The following KCTD14 variants were observed in gnomAD, a reference collection of about 807,000 sequenced individuals.
KCTD14 encodes BTB/POZ domain-containing protein KCTD14.
A neutral mutation model predicts 5.9 loss-of-function variants in KCTD14; 7 were observed. That is an observed-to-expected ratio of 1.19 (90% confidence interval 0.68 to 2.23). The LOEUF (loss-of-function observed/expected upper bound fraction) is 2.23, where lower values mean the gene tolerates loss of function less well. KCTD14 is among the 30% of genes most tolerant of loss of function. KCTD14 has a pLI of 0.00. For synonymous variants in KCTD14, 140 were observed against 133.1 expected (o/e 1.05, Z -0.36); for missense variants, 342 against 332.2 (o/e 1.03, Z -0.23).
intron 1 of KCTD14, among the ~76,000 whole-genome samples, chr11:78,017,483 T>C (rs933673541): frequency 4.4e-4 from 66 of 150,624 alleles, no homozygotes; most frequent in Non-Finnish European, 8.4e-4. Context: ...AGTCTCGCTC[T>C]GTCACCCAGG....
At chr11:78,033,628 G>C (rs34367452) in intron 2 of KCTD14, among the ~76,000 whole-genome samples, 55,957 of 150,076 alleles carry the variant, frequency 0.37, 10,647 homozygotes, top group Admixed American at 0.47. Context: ...GTTGCAGTGA[G>C]CTGAGATTGT....
intron 1 of KCTD14, among the ~76,000 whole-genome samples, chr11:78,017,946 A>C (rs1857214809): frequency 6.6e-6 from 1 of 151,956 alleles, no homozygotes; most frequent in Non-Finnish European, 1.5e-5. Context: ...AAAATACAAA[A>C]ATTAGCCAGG....
chr11:78,027,729 T>C (rs1185581863), upstream of KCTD14, among the ~76,000 whole-genome samples: 3 of 152,126 alleles, frequency 2.0e-5, no homozygotes, highest in Non-Finnish European at 4.4e-5. Flanking sequence ...AATGGGTTAT[T>C]ATCTAAAGAC....
At chr11:78,034,216 G>A (rs1433953262) in intron 2 of KCTD14, among the ~76,000 whole-genome samples, 1 of 151,884 alleles carries the variant, frequency 6.6e-6, no homozygotes, top group Non-Finnish European at 1.5e-5. Context: ...TCAACCTCCT[G>A]GACTCGAGAG....
chr11:78,023,046 G>A, intron 1 of KCTD14, 114 bp downstream of exon 1: 1 of 701,110 alleles, frequency 1.4e-6, no homozygotes, highest in South Asian at 1.7e-5. Context: ...CGCGCCAGAA[G>A]CAGGGGGCTC....
chr11:78,038,859 C>A, intron 1 of KCTD14: 1 of 1,351,188 alleles, frequency 7.4e-7, no homozygotes, highest in South Asian at 1.3e-5. Flanking sequence ...TGGAGCCACA[C>A]TGCAGAACTG....
upstream of KCTD14, chr11:78,023,330 T>A (rs949984509): frequency 5.0e-6 from 7 of 1,404,550 alleles, no homozygotes; most frequent in Non-Finnish European, 6.9e-6. Flanking sequence ...GGGACGGGGC[T>A]GAGCCAGGCG....
chr11:78,038,086 C>G (rs531194513), intron 2 of KCTD14, among the ~76,000 whole-genome samples: 1 of 152,028 alleles, frequency 6.6e-6, no homozygotes, highest in African/African-American at 2.4e-5. Flanking sequence ...CCACACCATC[C>G]TTTCTCTCTA....
intron 2 of KCTD14, among the ~76,000 whole-genome samples, chr11:78,034,141 A>G (rs986240920): frequency 6.6e-6 from 1 of 151,586 alleles, no homozygotes; most frequent in African/African-American, 2.4e-5. Flanking sequence ...TTTTTTTGAG[A>G]CAGGGTCTCA....
chr11:78,037,543 C>T (rs1198996287), intron 2 of KCTD14, among the ~76,000 whole-genome samples: 1 of 152,224 alleles, frequency 6.6e-6, no homozygotes, highest in Non-Finnish European at 1.5e-5. Flanking sequence ...CAGGCTGGCA[C>T]ATGGGAGGAC....
chr11:78,028,102 T>C (rs1334576450), upstream of KCTD14, among the ~76,000 whole-genome samples: 2 of 152,142 alleles, frequency 1.3e-5, no homozygotes, highest in Admixed American at 1.3e-4. Flanking sequence ...GAGACTTTCA[T>C]TTTTTGTTTA....
chr11:78,023,343 G>T (rs973274333), upstream of KCTD14: 4 of 1,258,110 alleles, frequency 3.2e-6, no homozygotes, highest in Non-Finnish European at 4.5e-6. Context: ...GCCAGGCGTG[G>T]CTTGCAGTGA....
chr11:78,021,944 A>C lies in KCTD14; in HGVS notation c.90+1216T>G, dbSNP rs117600797. Among the ~76,000 whole-genome samples the C allele has an allele frequency of 9.5e-4, 145 of 152,172 alleles. 1 individual carries two copies. The East Asian group carries it at 0.016, about 17-fold the overall frequency. On this transcript the variant is annotated intron_variant, in intron 1 of 1. Transcript: ENST00000353172. ...CAAGCCCCCTCACCTCCAGAAGCTCACTCACTTGGCCATCCGCACTCCTTT... is the reference window on the plus strand; with the variant it reads ...CAAGCCCCCTCACCTCCAGAAGCTCCCTCACTTGGCCATCCGCACTCCTTT...
chr11:78,032,302 A>G (rs1056034382), intron 2 of KCTD14, among the ~76,000 whole-genome samples: 12 of 152,378 alleles, frequency 7.9e-5, no homozygotes, highest in Middle Eastern at 3.4e-3. Context: ...CTGGAAGAAC[A>G]GAGAGCCTGG....
At chr11:78,040,517 C>T (rs1378412594) in intron 1 of KCTD14, among the ~76,000 whole-genome samples, 1 of 151,722 alleles carries the variant, frequency 6.6e-6, no homozygotes, top group African/African-American at 2.4e-5. Context: ...ATTTTCTCCG[C>T]CTGGAATCCA....
upstream of KCTD14, among the ~76,000 whole-genome samples, chr11:78,027,422 G>A (rs1857497691): frequency 9.0e-6 from 1 of 111,206 alleles, no homozygotes; most frequent in African/African-American, 3.0e-5. Flanking sequence ...AAGTGCAGCG[G>A]TGCAACCTCA....
chr11:78,038,501 T>C (rs1000609121), intron 2 of KCTD14, among the ~76,000 whole-genome samples: 2 of 152,200 alleles, frequency 1.3e-5, no homozygotes, highest in Non-Finnish European at 2.9e-5. Flanking sequence ...CTTGTCCTCC[T>C]TGGGTTCCTG....
chr11:78,036,189 T>G (rs1857797427), intron 2 of KCTD14, among the ~76,000 whole-genome samples: 1 of 152,108 alleles, frequency 6.6e-6, no homozygotes, highest in Non-Finnish European at 1.5e-5. Context: ...TTTATGAAAG[T>G]CTCCTGAAAT....
chr11:78,016,354 G>T lies in KCTD14; in HGVS notation c.*239C>A. 1.8e-6 allele frequency: 1 copy of T among 567,858 alleles called. No individual in the cohort carries two copies. Among genetic ancestry groups the T allele is most frequent in the Non-Finnish European group, 3.1e-6 (1 of 320,064 alleles). The allele number at this position is 567,858 out of a possible 1,614,324, so 35.2% of individuals were successfully genotyped here. A position where few individuals can be genotyped will look rare whatever the true frequency, so the allele number is the denominator to read the frequency against. On this transcript the variant is annotated 3_prime_UTR_variant, in exon 2 of 2. Coordinates refer to ENST00000353172, the MANE Select transcript of KCTD14 (RefSeq NM_023930.4). ...CTTGTTATTGGACTTCAAGAGAAGG[G>T]TCTGGGAGATACATGAGGCTTTGAA...
Sources: gnomAD v4.1 joint callset for allele counts (sites outside exome capture counted in the v4.1 genomes callset) on GRCh38, gnomAD v4.1.1 for gene constraint, MANE v1.5 for transcripts, NCBI Gene and HGNC (gene_info 2026-07-23, HGNC 2026-07-21) for gene names.